The following ELOVL6 variants were observed in gnomAD, a reference collection of about 807,000 sequenced individuals.
ELOVL6 encodes the protein very long chain fatty acid elongase 6.
ELOVL6 carries 8 observed loss-of-function variants against 31.7 expected under a neutral mutation model. That is an observed-to-expected ratio of 0.25 (90% CI 0.15 to 0.45). ELOVL6 has a LOEUF of 0.45. Among genes scored for constraint, ELOVL6 ranks in the 20% least tolerant of loss-of-function variants. The pLI is 1.00. For missense variants in ELOVL6, 126 were observed against 326.4 expected, an observed-to-expected ratio of 0.39 and a Z score of 4.73; for synonymous variants, 101 against 117.7, an observed-to-expected ratio of 0.86 and a Z score of 0.92.
rs776758979 is a variant in ELOVL6, at chr4:110,183,122, AAAAC to A, written c.89+15121_89+15124del. Among the ~76,000 whole-genome samples the A allele has an allele frequency of 3.3e-5, 5 of 152,158 alleles. No individual in the cohort carries two copies. The East Asian group carries it at 5.8e-4, about 18-fold the overall frequency. ...GAGGCTTCTAGATGACTTTATTTAA[AAAAC>A]AAACAAACAAAAAAACACCCAAAAT... On this transcript the variant is annotated intron_variant, in intron 1 of 3. Transcript: ENST00000302274.
intron 2 of ELOVL6, among the ~76,000 whole-genome samples, chr4:110,080,788 G>C (rs993938228): frequency 2.0e-5 from 3 of 152,134 alleles, no homozygotes; most frequent in Non-Finnish European, 2.9e-5. Context: ...ATTAGGAAAA[G>C]AGGAAGTCAA....
Position 110,182,848 on chromosome 4 carries a change from C to T in ELOVL6, c.89+15399G>A, listed in dbSNP as rs527608217. On this transcript the variant is annotated intron_variant, in intron 1 of 3. Transcript: ENST00000302274. ...ACTTGAACCCGGGAGGCGGAGGTTG[C>T]GGTGAGCCAAGATTGCGCCATTGCA... is the stretch of plus-strand genomic sequence containing the variant. Among the ~76,000 whole-genome samples, 17 of 152,086 alleles carry T rather than the reference C, an allele frequency of 1.1e-4. No individual in the cohort carries two copies. The East Asian group carries it at 3.1e-3, about 28-fold the overall frequency.
At chr4:110,158,653 ATATATTT>A (rs1391360854) in intron 1 of ELOVL6, among the ~76,000 whole-genome samples, 1,094 of 85,082 alleles carry the variant, frequency 0.013, 13 homozygotes, top group African/African-American at 0.069. Flanking sequence ...ATATATATAT[ATATATTT>A]TTTTTTTTTT....
intron 2 of ELOVL6, among the ~76,000 whole-genome samples, chr4:110,091,123 C>T (rs1442416713): frequency 6.6e-6 from 1 of 152,152 alleles, no homozygotes; most frequent in East Asian, 1.9e-4. Context: ...CTTTTAATGA[C>T]TTCAAACTTT....
intron 1 of ELOVL6, among the ~76,000 whole-genome samples, chr4:110,132,653 C>A (rs1757701594): frequency 6.6e-6 from 1 of 151,672 alleles, no homozygotes; most frequent in Non-Finnish European, 1.5e-5. Context: ...ATGGTGAAAC[C>A]CCCAAAAATA....
intron 2 of ELOVL6, chr4:110,093,052 T>C (rs1023653698): frequency 2.3e-6 from 1 of 434,580 alleles, no homozygotes; most frequent in Admixed American, 2.8e-5. Context: ...AGCTATGGTA[T>C]TCCAGCTATT....
At chr4:110,162,821 GT>G (rs1758668773) in intron 1 of ELOVL6, among the ~76,000 whole-genome samples, 1 of 152,124 alleles carries the variant, frequency 6.6e-6, no homozygotes, top group African/African-American at 2.4e-5. Context: ...CTACATACTA[GT>G]TAATAGACAT....
At position 110,061,549 on chromosome 4, in the gene ELOVL6, CTTTTTTTTTTT is replaced by C. The variant is rs57846282; in HGVS notation, c.222-1806_222-1796del. ...CTGTCTTTCCCTCACCAAATGATGGCTTTTTTTTTTTTTTTTTTTTTTTTTGAGACAGAATC... is the reference window on the plus strand; with the variant it reads ...CTGTCTTTCCCTCACCAAATGATGGCTTTTTTTTTTTTTTGAGACAGAATC... On this transcript the variant is annotated intron_variant, in intron 2 of 3. Transcript: ENST00000302274. 5.0e-4 allele frequency among the ~76,000 whole-genome samples: 36 copies of C among 72,378 alleles called. 1 individual carries two copies. The highest frequency in any genetic ancestry group is 1.2e-3 in the African/African-American group (24 of 19,906). The allele number at this position is 72,378 out of a possible 152,430, so 47.5% of individuals were successfully genotyped here.
At chr4:110,158,364 A>C (rs1758514466) in intron 1 of ELOVL6, among the ~76,000 whole-genome samples, 1 of 151,928 alleles carries the variant, frequency 6.6e-6, no homozygotes, top group Non-Finnish European at 1.5e-5. Flanking sequence ...CATGTGCTTT[A>C]TTTTGTAGCA....
At chr4:110,089,479 A>T (rs1756359438) in intron 2 of ELOVL6, among the ~76,000 whole-genome samples, 1 of 152,054 alleles carries the variant, frequency 6.6e-6, no homozygotes, top group African/African-American at 2.4e-5. Context: ...CCAATCCCCT[A>T]TGTATACTGA....
chr4:110,050,957 CTT>C lies in ELOVL6; in HGVS notation c.*379_*380del, dbSNP rs747322803. The C allele has an allele frequency of 4.9e-5, 10 of 205,336 alleles. No homozygotes were observed. Among genetic ancestry groups the C allele is most frequent in the Admixed American group, 2.1e-4 (4 of 18,906 alleles). 12.7% of individuals were successfully genotyped at this position (205,336 alleles called of 1,614,324 possible). On this transcript the variant is annotated 3_prime_UTR_variant, in exon 4 of 4. Coordinates refer to ENST00000302274, the MANE Select transcript of ELOVL6 (RefSeq NM_024090.3). ...CTCGCACAGTTTCTAGAGTAAAAAT[CTT>C]TCATCTTAGAGAAATGTGACACTTA...
chr4:110,079,512 A>T (rs4698808), intron 2 of ELOVL6, among the ~76,000 whole-genome samples: 7 of 151,738 alleles, frequency 4.6e-5, no homozygotes, highest in Non-Finnish European at 1.5e-5. Flanking sequence ...ACGAAATGAA[A>T]GCAGAAATAA....
At chr4:110,123,724 A>G (rs2126254794) in intron 1 of ELOVL6, among the ~76,000 whole-genome samples, 1 of 152,318 alleles carries the variant, frequency 6.6e-6, no homozygotes, top group Middle Eastern at 3.4e-3. Flanking sequence ...GGCAAGAACT[A>G]TCTTCAAAGG....
intron 1 of ELOVL6, among the ~76,000 whole-genome samples, chr4:110,137,635 T>G (rs1349718788): frequency 6.6e-6 from 1 of 152,176 alleles, no homozygotes; most frequent in African/African-American, 2.4e-5. Flanking sequence ...TCTTATTTAT[T>G]AATAGAATGT....
chr4:110,132,980 A>G (rs1757710666), intron 1 of ELOVL6, among the ~76,000 whole-genome samples: 1 of 152,182 alleles, frequency 6.6e-6, no homozygotes, highest in African/African-American at 2.4e-5. Flanking sequence ...TTTGGAAGTC[A>G]TCCATGTCTG....
chr4:110,060,498 CTGTTGAAAAAGTGAGAT>C (rs35966208), intron 2 of ELOVL6, among the ~76,000 whole-genome samples: 3,951 of 152,158 alleles, frequency 0.026, 161 homozygotes, highest in African/African-American at 0.09. Flanking sequence ...TCAATAAAGA[CTGTTGAAAAAGTGAGAT>C]TGTTGAAAAA....
intron 2 of ELOVL6, among the ~76,000 whole-genome samples, chr4:110,081,538 A>T (rs975776812): frequency 1.3e-5 from 2 of 152,026 alleles, no homozygotes; most frequent in East Asian, 1.9e-4. Flanking sequence ...CTGGCTAGTC[A>T]TATGTATAAA....
chr4:110,145,270 T>C (rs74514459), intron 1 of ELOVL6, among the ~76,000 whole-genome samples: 3,205 of 152,142 alleles, frequency 0.021, 114 homozygotes, highest in African/African-American at 0.073. Flanking sequence ...TAGCCAGCCT[T>C]CTGGAGCCAG....
chr4:110,159,693 G>A (rs930432208), intron 1 of ELOVL6, among the ~76,000 whole-genome samples: 5 of 152,064 alleles, frequency 3.3e-5, no homozygotes, highest in African/African-American at 1.2e-4. Flanking sequence ...CACATGAGAC[G>A]TTGGTGTTTC....
Sources: allele counts gnomAD v4.1 joint callset (sites outside exome capture counted in the v4.1 genomes callset), GRCh38; gene constraint gnomAD v4.1.1; transcripts MANE v1.5; gene names NCBI Gene and HGNC (gene_info 2026-07-23, HGNC 2026-07-21).